Variants in AMMECR1 observed in about 807,000 individuals in gnomAD.
AMMECR1 encodes the protein AMMECR nuclear protein 1, also known as nuclear protein AMMECR1.
In AMMECR1, 3 loss-of-function variants were observed where a neutral mutation model predicts 22.5. That is an observed-to-expected ratio of 0.13 (90% CI 0.06 to 0.35). AMMECR1 has a LOEUF of 0.35. Among genes scored for constraint, AMMECR1 ranks in the 10% least tolerant of loss-of-function variants. The pLI is 1.00. For missense variants in AMMECR1, 235 were observed against 278.7 expected, an observed-to-expected ratio of 0.84 and a Z score of 1.12; for synonymous variants, 130 against 116.7, an observed-to-expected ratio of 1.11 and a Z score of -0.74.
chrX:110,304,796 C>T (rs1177544200), intron 1 of AMMECR1, among the ~76,000 whole-genome samples: 2 of 112,146 alleles, frequency 1.8e-5, no homozygotes, highest in Non-Finnish European at 3.8e-5. Flanking sequence ...TTACAGGTCC[C>T]CTTTCTTGCT....
intron 2 of AMMECR1, among the ~76,000 whole-genome samples, chrX:110,325,307 C>G (rs2068093877): frequency 9.0e-6 from 1 of 111,678 alleles, no homozygotes; most frequent in Non-Finnish European, 1.9e-5. Flanking sequence ...TACAAACATT[C>G]CAATTATACT....
In AMMECR1 at chrX:110,247,604, T is replaced by G. The variant is rs191246655; in HGVS notation, c.584+16885A>C. On this transcript the variant is annotated intron_variant, in intron 2 of 5. Coordinates refer to ENST00000262844, the MANE Select transcript of AMMECR1 (RefSeq NM_015365.3). ...TACTTGGGTGGCTGAGGTAGGAGAA[T>G]CACTCGAGCCCTGGAGGCACAGGTT... 2.7e-3 allele frequency among the ~76,000 whole-genome samples: 295 copies of G among 109,676 alleles called. 1 individual carries two copies. Among genetic ancestry groups the G allele is most frequent in the Non-Finnish European group, 4.4e-3 (230 of 52,597 alleles).
At chrX:110,400,097 C>T (rs377670065) in intron 2 of AMMECR1, among the ~76,000 whole-genome samples, 2 of 109,742 alleles carry the variant, frequency 1.8e-5, no homozygotes, top group East Asian at 2.8e-4. Context: ...AATCTTCCTC[C>T]CTGACATTCT....
chrX:110,323,101 C>G (rs1416627608), intron 2 of AMMECR1, among the ~76,000 whole-genome samples: 1 of 112,132 alleles, frequency 8.9e-6, no homozygotes, highest in Non-Finnish European at 1.9e-5. Context: ...TGACGGTCTT[C>G]TAAAACCTCA....
intron 2 of AMMECR1, among the ~76,000 whole-genome samples, chrX:110,363,457 A>G (rs1410258284): frequency 1.8e-5 from 2 of 111,905 alleles, no homozygotes; most frequent in Non-Finnish European, 3.8e-5. Context: ...GGACCTCCCT[A>G]TGTGTCATTA....
chrX:110,286,393 G>A (rs1019827569), intron 1 of AMMECR1, among the ~76,000 whole-genome samples: 2 of 110,701 alleles, frequency 1.8e-5, no homozygotes, highest in African/African-American at 6.6e-5. Context: ...GCATGGGCCG[G>A]GCGTAATGGC....
chrX:110,204,309 C>A (rs1165913881), intron 3 of AMMECR1, among the ~76,000 whole-genome samples: 4 of 111,260 alleles, frequency 3.6e-5, no homozygotes, highest in Non-Finnish European at 7.6e-5. Flanking sequence ...CTCTATTTAT[C>A]AAAAACCCGT....
intron 2 of AMMECR1, among the ~76,000 whole-genome samples, chrX:110,225,476 C>A (rs772429796): frequency 8.9e-6 from 1 of 112,045 alleles, no homozygotes; most frequent in African/African-American, 3.2e-5. Context: ...GACCTACACA[C>A]AATAGTCAAA....
At chrX:110,394,806 G>T (rs1379285913) in intron 2 of AMMECR1, among the ~76,000 whole-genome samples, 3 of 112,818 alleles carry the variant, frequency 2.7e-5, no homozygotes, top group African/African-American at 9.7e-5. Context: ...TCTGTAAGTT[G>T]CAGCACTAGC....
intron 2 of AMMECR1, among the ~76,000 whole-genome samples, chrX:110,254,413 C>T (rs917421179): frequency 9.0e-6 from 1 of 111,570 alleles, no homozygotes; most frequent in East Asian, 2.8e-4. Context: ...TCATTATGTA[C>T]ATTAGTTTCA....
intron 2 of AMMECR1, among the ~76,000 whole-genome samples, chrX:110,385,765 T>C (rs1426309152): frequency 9.0e-6 from 1 of 110,754 alleles, no homozygotes. Context: ...GCTGATCCCA[T>C]CACCCAGACA....
chrX:110,217,310 C>T (rs2067478545), intron 2 of AMMECR1, among the ~76,000 whole-genome samples: 1 of 109,228 alleles, frequency 9.2e-6, no homozygotes. Context: ...AATTGTGAAA[C>T]TACAGGAAAT....
At chrX:110,337,605 G>A (rs2068146104) in intron 2 of AMMECR1, among the ~76,000 whole-genome samples, 1 of 111,591 alleles carries the variant, frequency 9.0e-6, no homozygotes. Context: ...TTGAACTCTT[G>A]TATACAGTTG....
intron 1 of AMMECR1, among the ~76,000 whole-genome samples, chrX:110,307,774 C>T (rs1259490630): frequency 9.2e-6 from 1 of 108,384 alleles, no homozygotes; most frequent in Non-Finnish European, 1.9e-5. Flanking sequence ...TCAATATGGT[C>T]TCTTATAAGT....
chrX:110,197,523 T>C lies in AMMECR1; in HGVS notation c.*997A>G, dbSNP rs1311040932. On this transcript the variant is annotated 3_prime_UTR_variant, in exon 6 of 6. Coordinates refer to ENST00000262844, the MANE Select transcript of AMMECR1 (RefSeq NM_015365.3). The stretch of plus-strand genomic sequence containing the variant: ...ATTTTTTTTCAGCTTAAAAAAATAC[T>C]TAAGAGTAAGGAATTTGTCTAATCT... 2 of 112,041 alleles carry C rather than the reference T, an allele frequency of 1.8e-5. No individual in the cohort carries two copies. The highest frequency in any genetic ancestry group is 3.8e-5 in the Non-Finnish European group (2 of 53,115). The allele number at this position is 112,041 out of a possible 1,213,427, so 9.2% of individuals were successfully genotyped here.
intron 2 of AMMECR1, chrX:110,219,650 A>G (rs1246976708): frequency 6.9e-6 from 5 of 720,036 alleles, no homozygotes; most frequent in Non-Finnish European, 8.2e-6. Context: ...ACAAGGAGTT[A>G]GTAGGAAAAT....
intron 2 of AMMECR1, among the ~76,000 whole-genome samples, chrX:110,224,679 G>C (rs191852443): frequency 1.2e-3 from 128 of 111,169 alleles, no homozygotes; most frequent in African/African-American, 4.1e-3. Flanking sequence ...TAAATCTTTT[G>C]GGCAGGAATT....
intron 1 of AMMECR1, among the ~76,000 whole-genome samples, chrX:110,435,250 C>A (rs2068830103): frequency 9.0e-6 from 1 of 111,513 alleles, no homozygotes; most frequent in African/African-American, 3.3e-5. Context: ...ACAGGACAGT[C>A]ACTTCAGCTC....
chrX:110,274,091 C>T (rs958222433), intron 1 of AMMECR1, among the ~76,000 whole-genome samples: 80 of 111,861 alleles, frequency 7.2e-4, no homozygotes, highest in Non-Finnish European at 2.6e-4. Flanking sequence ...GTCATTTTAA[C>T]AATATTGATT....
Sources: allele counts gnomAD v4.1 joint callset (sites outside exome capture counted in the v4.1 genomes callset), GRCh38; gene constraint gnomAD v4.1.1; transcripts MANE v1.5; gene names NCBI Gene and HGNC (gene_info 2026-07-23, HGNC 2026-07-21).